The following CSMD1 variants were observed in gnomAD, a reference collection of about 807,000 sequenced individuals.
The protein encoded by CSMD1 is CUB and Sushi multiple domains 1.
CSMD1 carries 213 observed loss-of-function variants against 417.5 expected under a neutral mutation model. That is an observed-to-expected ratio of 0.51 (90% CI 0.46 to 0.57). The LOEUF (loss-of-function observed/expected upper bound fraction) is 0.57. CSMD1 is among the 20% of genes least tolerant of loss of function. The probability of loss-of-function intolerance (pLI) is 0.00; values close to 1 mark genes in which losing one functional copy is unlikely to be tolerated. For synonymous variants in CSMD1, 2,862 were observed against 1,736.8 expected (o/e 1.65, Z -16.11); for missense variants, 6,923 against 4,529.7 (o/e 1.53, Z -15.17).
chr8:4,441,562 TATCTC>T (rs1412097926), intron 2 of CSMD1, among the ~76,000 whole-genome samples: 3 of 152,162 alleles, frequency 2.0e-5, no homozygotes, highest in African/African-American at 4.8e-5. Flanking sequence ...CATGAAAGCC[TATCTC>T]ATCTATGCAA....
chr8:4,298,101 C>A (rs1436055873), intron 3 of CSMD1, among the ~76,000 whole-genome samples: 2 of 152,016 alleles, frequency 1.3e-5, no homozygotes, highest in Admixed American at 6.6e-5. Context: ...GTATAAAGGA[C>A]CTGGAGAACA....
intron 6 of CSMD1, among the ~76,000 whole-genome samples, chr8:3,730,182 T>C (rs960070613): frequency 6.6e-6 from 1 of 151,954 alleles, no homozygotes; most frequent in Non-Finnish European, 1.5e-5. Flanking sequence ...CAAAATCATG[T>C]CTCCAACAGG....
chr8:3,547,739 G>C (rs371854807), intron 10 of CSMD1, among the ~76,000 whole-genome samples: 6 of 152,210 alleles, frequency 3.9e-5, no homozygotes, highest in African/African-American at 1.4e-4. Context: ...ATTTTGGCTT[G>C]AGCTAGTTAT....
At chr8:3,777,336 G>C (rs866774000) in intron 5 of CSMD1, among the ~76,000 whole-genome samples, 2 of 152,062 alleles carry the variant, frequency 1.3e-5, no homozygotes, top group Non-Finnish European at 2.9e-5. Flanking sequence ...TACTCACACA[G>C]TGCTCCAGAC....
At chr8:4,657,625 T>C (rs548687503) in intron 1 of CSMD1, among the ~76,000 whole-genome samples, 144 of 151,788 alleles carry the variant, frequency 9.5e-4, no homozygotes, top group South Asian at 5.8e-3. Flanking sequence ...AAAATTAATT[T>C]GCACAGTTAC....
intron 2 of CSMD1, among the ~76,000 whole-genome samples, chr8:4,469,637 G>C (rs1006709807): frequency 1.3e-5 from 2 of 152,046 alleles, no homozygotes; most frequent in Non-Finnish European, 1.5e-5. Flanking sequence ...GTAGCTTAGA[G>C]GCCAGTGTCT....
intron 23 of CSMD1, among the ~76,000 whole-genome samples, chr8:3,334,474 A>G (rs184101199): frequency 6.6e-6 from 1 of 152,122 alleles, no homozygotes; most frequent in African/African-American, 2.4e-5. Flanking sequence ...TTTCAAAGCC[A>G]CTCTGTCATT....
intron 5 of CSMD1, among the ~76,000 whole-genome samples, chr8:3,954,560 G>A (rs1171858865): frequency 1.3e-5 from 2 of 152,154 alleles, no homozygotes; most frequent in East Asian, 1.9e-4. Context: ...GTAGAGACGG[G>A]GTTTCACCGT....
chr8:3,769,692 T>C (rs1798468849), intron 5 of CSMD1, among the ~76,000 whole-genome samples: 1 of 152,182 alleles, frequency 6.6e-6, no homozygotes, highest in Non-Finnish European at 1.5e-5. Flanking sequence ...GATGTGTGAA[T>C]TCTGTGAACT....
At chr8:3,515,118 T>A (rs1010093281) in intron 10 of CSMD1, 1 of 152,236 alleles carries the variant, frequency 6.6e-6, no homozygotes, top group Non-Finnish European at 1.5e-5. Context: ...CAGTCATTAA[T>A]GTTATAATTC....
At chr8:4,035,096 T>C (rs1257161583) in intron 3 of CSMD1, among the ~76,000 whole-genome samples, 1 of 152,142 alleles carries the variant, frequency 6.6e-6, no homozygotes, top group Non-Finnish European at 1.5e-5. Flanking sequence ...CAGTAATATA[T>C]AGTTGTGAGC....
At chr8:3,494,647 T>G (rs1796291790) in intron 10 of CSMD1, among the ~76,000 whole-genome samples, 1 of 151,794 alleles carries the variant, frequency 6.6e-6, no homozygotes, top group South Asian at 2.1e-4. Context: ...GATGGATGGA[T>G]GGGTGGATGG....
chr8:3,319,387 G>C (rs1287417394), intron 23 of CSMD1, among the ~76,000 whole-genome samples: 3 of 152,110 alleles, frequency 2.0e-5, no homozygotes, highest in Non-Finnish European at 2.9e-5. Flanking sequence ...TTTTATGTCA[G>C]TCAATATAAG....
chr8:3,659,324 GA>G (rs1798292607), intron 7 of CSMD1, among the ~76,000 whole-genome samples: 1 of 152,132 alleles, frequency 6.6e-6, no homozygotes, highest in South Asian at 2.1e-4. Flanking sequence ...TTGTTACAAA[GA>G]AACAAATTTT....
chr8:4,040,202 G>A (rs10503227), intron 3 of CSMD1, among the ~76,000 whole-genome samples: 4 of 152,002 alleles, frequency 2.6e-5, no homozygotes, highest in Non-Finnish European at 4.4e-5. Flanking sequence ...GAAGGACATC[G>A]TAGTTTTTCA....
chr8:3,811,686 A>G (rs1225519282), intron 5 of CSMD1, among the ~76,000 whole-genome samples: 2 of 152,032 alleles, frequency 1.3e-5, no homozygotes, highest in African/African-American at 4.8e-5. Flanking sequence ...TCAATACTAG[A>G]TGGATGTTTG....
chr8:3,751,326 G>GTA (rs375444006), intron 6 of CSMD1, among the ~76,000 whole-genome samples: 190 of 132,918 alleles, frequency 1.4e-3, no homozygotes, highest in Admixed American at 3.2e-3. Context: ...GTGTGTGTGT[G>GTA]TATATATATA....
At chr8:4,813,640 A>T (rs568191421) in intron 1 of CSMD1, among the ~76,000 whole-genome samples, 1 of 152,340 alleles carries the variant, frequency 6.6e-6, no homozygotes, top group Non-Finnish European at 1.5e-5. Flanking sequence ...CCAGAGCTGT[A>T]ATAACATCAA....
rs1796554148 is a variant in CSMD1 at position 4,277,512 on chromosome 8, T to C, written c.415+142441A>G. On this transcript the variant is annotated intron_variant, in intron 3 of 69. Transcript: ENST00000635120. The stretch of plus-strand genomic sequence containing the variant: ...ATATTCTCATTGTTTCCTGGTGCCA[T>C]GTTTTTCTTTTATATCTAGAGAGTT... 3.3e-5 allele frequency among the ~76,000 whole-genome samples: 5 copies of C among 152,296 alleles called. No homozygotes were observed. In the South Asian group the frequency reaches 8.3e-4, roughly 25 times the overall value.
Sources: gnomAD v4.1 joint callset for allele counts (sites outside exome capture counted in the v4.1 genomes callset) on GRCh38, gnomAD v4.1.1 for gene constraint, MANE v1.5 for transcripts, NCBI Gene and HGNC (gene_info 2026-07-23, HGNC 2026-07-21) for gene names.